SORBS2: variants seen among roughly 807,000 people sequenced by gnomAD.
The protein encoded by SORBS2 is sorbin and SH3 domain containing 2.
Under a neutral mutation model 97.7 loss-of-function variants are expected in SORBS2, and 46 were observed. That is an observed-to-expected ratio of 0.47 (90% CI 0.37 to 0.60). The LOEUF (loss-of-function observed/expected upper bound fraction) is 0.60, where lower values mean the gene tolerates loss of function less well. Among genes scored for constraint, SORBS2 ranks in the 20% least tolerant of loss-of-function variants. SORBS2 has a pLI of 0.00. For synonymous variants in SORBS2, 476 were observed against 473.4 expected, an observed-to-expected ratio of 1.01 and a Z score of -0.07; for missense variants, 1,316 against 1,282.3, an observed-to-expected ratio of 1.03 and a Z score of -0.40.
intron 2 of SORBS2, among the ~76,000 whole-genome samples, 186 bp from the exon 5 acceptor site, chr4:185,685,032 A>G (rs1358467404): frequency 2.0e-5 from 3 of 152,234 alleles, no homozygotes; most frequent in Admixed American, 6.5e-5. Flanking sequence ...GAAACAAAAC[A>G]AAAGAAGACC....
At chr4:185,845,345 T>A (rs898864760) in intron 1 of SORBS2, among the ~76,000 whole-genome samples, 11 of 152,062 alleles carry the variant, frequency 7.2e-5, no homozygotes, top group African/African-American at 2.7e-4. Context: ...AAGTAGATAG[T>A]GATGTTGGTT....
At chr4:185,663,211 C>A (rs1453870853) in intron 4 of SORBS2, among the ~76,000 whole-genome samples, 1 of 152,182 alleles carries the variant, frequency 6.6e-6, no homozygotes, top group African/African-American at 2.4e-5. Flanking sequence ...TAAATACACA[C>A]AACACACATA....
Position 185,907,924 on chromosome 4 carries a change from A to G in SORBS2, c.-338+48272T>C, listed in dbSNP as rs554464442. Among the ~76,000 whole-genome samples, 30 of 152,272 alleles carry G rather than the reference A, an allele frequency of 2.0e-4. 2 individuals are homozygous for G. The highest frequency in any genetic ancestry group is 7.0e-4 in the African/African-American group (29 of 41,558). On this transcript the variant is annotated intron_variant, in intron 1 of 20. Coordinates refer to the SORBS2 transcript ENST00000284776. The stretch of plus-strand genomic sequence containing the variant: ...TACACAATTGTCTGCCTTTAAGAGA[A>G]TTGAAACAATCCCAGAATTGTGTTC...
chr4:185,792,874 G>A (rs778905483), intron 1 of SORBS2, among the ~76,000 whole-genome samples: 6 of 152,200 alleles, frequency 3.9e-5, no homozygotes, highest in Admixed American at 2.6e-4. Context: ...GAATGTGGCC[G>A]ACTCAAGCTG....
At chr4:185,928,830 G>T (rs2099265042) in intron 1 of SORBS2, among the ~76,000 whole-genome samples, 1 of 152,188 alleles carries the variant, frequency 6.6e-6, no homozygotes, top group Admixed American at 6.5e-5. Flanking sequence ...CCAGGCGTGA[G>T]CCACCGCGCC....
exon 7 of SORBS2, chr4:185,624,386 A>T (rs756450615): frequency 5.6e-6 from 9 of 1,614,148 alleles, no homozygotes; most frequent in Non-Finnish European, 7.6e-6. Context: ...GTCCCGAGGG[A>T]CATCCAAGTG....
intron 1 of SORBS2, among the ~76,000 whole-genome samples, chr4:185,953,068 A>G (rs2150032907): frequency 6.6e-6 from 1 of 152,242 alleles, no homozygotes; most frequent in East Asian, 1.9e-4. Flanking sequence ...TAATCCCAGC[A>G]CTGCAGGAGG....
At chr4:185,657,367 G>A (rs781349678), upstream of SORBS2, 146 of 1,430,726 alleles carry the variant, frequency 1.0e-4, no homozygotes, top group Non-Finnish European at 1.3e-4. Flanking sequence ...TGGACAATCC[G>A]TCCTTTGTGG....
chr4:185,788,369 A>G (rs1031868035), intron 1 of SORBS2, among the ~76,000 whole-genome samples: 2 of 152,218 alleles, frequency 1.3e-5, no homozygotes, highest in Non-Finnish European at 2.9e-5. Context: ...CCTAAAAAGA[A>G]AAACAAATAA....
At chr4:185,851,283 A>G (rs1394648359) in intron 1 of SORBS2, among the ~76,000 whole-genome samples, 1 of 152,156 alleles carries the variant, frequency 6.6e-6, no homozygotes, top group East Asian at 1.9e-4. Flanking sequence ...GAAGAAATTC[A>G]CCTTCAACTA....
intron 1 of SORBS2, among the ~76,000 whole-genome samples, chr4:185,844,608 T>C (rs2099213485): frequency 6.6e-6 from 1 of 152,182 alleles, no homozygotes; most frequent in Non-Finnish European, 1.5e-5. Flanking sequence ...GAAATTCTAC[T>C]CCTGTGTAAA....
chr4:185,878,321 T>C (rs1408362810), intron 1 of SORBS2, among the ~76,000 whole-genome samples: 1 of 152,172 alleles, frequency 6.6e-6, no homozygotes. Flanking sequence ...TTTTGTACAA[T>C]ATCCATATAT....
exon 1 of SORBS2, chr4:185,656,699 G>T: frequency 1.9e-6 from 3 of 1,548,688 alleles, no homozygotes; most frequent in Non-Finnish European, 2.6e-6. Context: ...GACTTGGTCA[G>T]CCAGCTGCTG....
rs1554199361 is a variant in SORBS2 at position 185,709,304 on chromosome 4, C to CCT, written c.-197-30483_-197-30482insAG. 1.2e-3 allele frequency among the ~76,000 whole-genome samples: 118 copies of CCT among 96,772 alleles called. 11 individuals are homozygous for CCT. Among genetic ancestry groups the CCT allele is most frequent in the Middle Eastern group, 5.7e-3 (1 of 174 alleles). 63.5% of individuals were successfully genotyped at this position (96,772 alleles called of 152,430 possible). A position where few individuals can be genotyped will look rare whatever the true frequency, so the allele number is the denominator to read the frequency against. On this transcript the variant is annotated intron_variant, in intron 2 of 20. Transcript: ENST00000284776. ...GCATGAGCCGCTGTGCTGGCCAAAT[C>CCT]TTTTTTTTTTTTTTTTTTTTAGTAA... is the stretch of plus-strand genomic sequence containing the variant.
chr4:185,622,805 C>G, intron 7 of SORBS2, 109 bp downstream of exon 19: 1 of 1,145,818 alleles, frequency 8.7e-7, no homozygotes, highest in Non-Finnish European at 1.2e-6. Flanking sequence ...CACATAACGA[C>G]GCCAAATGGT....
intron 1 of SORBS2, among the ~76,000 whole-genome samples, chr4:185,812,425 T>C (rs975747867): frequency 1.3e-5 from 2 of 152,242 alleles, no homozygotes; most frequent in African/African-American, 4.8e-5. Flanking sequence ...TCACCGATAG[T>C]GCAAGTGCTC....
At chr4:185,882,830 T>C (rs1435743987) in intron 1 of SORBS2, among the ~76,000 whole-genome samples, 3 of 152,176 alleles carry the variant, frequency 2.0e-5, no homozygotes, top group Non-Finnish European at 4.4e-5. Flanking sequence ...GGATAGTTTT[T>C]TCAACACATA....
At chr4:185,689,282 G>T (rs2098042810) in intron 2 of SORBS2, among the ~76,000 whole-genome samples, 1 of 152,168 alleles carries the variant, frequency 6.6e-6, no homozygotes, top group African/African-American at 2.4e-5. Context: ...GAAGGATCAG[G>T]AAATATCACT....
At position 185,616,148 on chromosome 4, in the gene SORBS2, T is replaced by G. The variant is rs900628355; in HGVS notation, c.2352-989A>C. On this transcript the variant is annotated intron_variant, in intron 9 of 14. Coordinates refer to ENST00000418609, the Ensembl canonical transcript of SORBS2. ...TCTTCTGCATTGTTTTGTTCAGAAT[T>G]TTCATTTTTTAATCTTTTTTTAAAA... Among the ~76,000 whole-genome samples the G allele has an allele frequency of 2.6e-5, 4 of 152,250 alleles. No homozygotes were observed. In the East Asian group the frequency reaches 7.7e-4, roughly 29 times the overall value.
Sources: allele counts gnomAD v4.1 joint callset (sites outside exome capture counted in the v4.1 genomes callset), GRCh38; gene constraint gnomAD v4.1.1; transcripts MANE v1.5; gene names NCBI Gene and HGNC (gene_info 2026-07-23, HGNC 2026-07-21).